Variants in STXBP3 observed in about 807,000 individuals in gnomAD.
The protein encoded by STXBP3 is syntaxin binding protein 3.
A neutral mutation model predicts 85.7 loss-of-function variants in STXBP3; 41 were observed. The observed-to-expected ratio is 0.48, with a 90% CI of 0.37 to 0.62. STXBP3 has a LOEUF of 0.62. Among genes scored for constraint, STXBP3 ranks in the 20% least tolerant of loss-of-function variants. STXBP3 has a pLI of 0.00. For synonymous variants in STXBP3, 229 were observed against 231.7 expected, an observed-to-expected ratio of 0.99 and a Z score of 0.10; for missense variants, 563 against 703.1, an observed-to-expected ratio of 0.80 and a Z score of 2.25.
intron 18 of STXBP3, among the ~76,000 whole-genome samples, chr1:108,807,942 T>C (rs17028822): frequency 0.026 from 3,901 of 152,324 alleles, 183 homozygotes; most frequent in African/African-American, 0.088. Flanking sequence ...TCTTGTGTTA[T>C]ACATTTGAGA....
At chr1:108,751,320 T>TA (rs1218758160) in intron 1 of STXBP3, among the ~76,000 whole-genome samples, 1 of 152,080 alleles carries the variant, frequency 6.6e-6, no homozygotes, top group Non-Finnish European at 1.5e-5. Flanking sequence ...GAACAGGGGG[T>TA]AAAAACCAAA....
intron 5 of STXBP3, 36 bp from the exon 6 acceptor site, chr1:108,759,949 G>GATGTAACT: frequency 3.2e-6 from 4 of 1,251,886 alleles, no homozygotes; most frequent in Non-Finnish European, 4.5e-6. Flanking sequence ...ATAAAATCTA[G>GATGTAACT]ATGTAACTAT....
rs1127635 is a variant in STXBP3, at chr1:108,796,239, G to T, written c.1116G>T (p.Leu372=). ...AATATTTTATTTTCATTAAGGACCT[G>T]GCACTTGGAACTGATGCAGAAGGAC... ...IEKLCKTEQD[L]ALGTDAEGQK... is the part of the protein sequence containing the mutation. The change falls in exon 14 of 19, where the codon CTG becomes CTT. Residue 372 remains leucine (L), a synonymous_variant. Coordinates refer to ENST00000370008, the MANE Select transcript of STXBP3 (RefSeq NM_007269.4). 4 of 1,606,144 alleles carry T rather than the reference G, an allele frequency of 2.5e-6. No individual in the cohort carries two copies. In the South Asian group the frequency reaches 3.4e-5, roughly 14 times the overall value.
chr1:108,766,343 G>A (rs574228459), intron 6 of STXBP3, among the ~76,000 whole-genome samples: 1 of 152,194 alleles, frequency 6.6e-6, no homozygotes, highest in South Asian at 2.1e-4. Context: ...ATTTCACTAT[G>A]AAATGCTTTG....
intron 17 of STXBP3, among the ~76,000 whole-genome samples, chr1:108,801,339 G>A (rs946005106): frequency 2.6e-5 from 4 of 151,896 alleles, no homozygotes; most frequent in Non-Finnish European, 5.9e-5. Flanking sequence ...CTAATTTTTG[G>A]TTGAAAATTG....
intron 17 of STXBP3, among the ~76,000 whole-genome samples, chr1:108,803,887 T>C (rs1663278534): frequency 6.6e-6 from 1 of 152,220 alleles, no homozygotes; most frequent in Admixed American, 6.5e-5. Flanking sequence ...TCAACACTTG[T>C]AGAAAATATT....
intron 4 of STXBP3, among the ~76,000 whole-genome samples, chr1:108,757,537 A>G (rs910243441): frequency 6.6e-6 from 1 of 151,970 alleles, no homozygotes; most frequent in Non-Finnish European, 1.5e-5. Flanking sequence ...AAAAAATGCA[A>G]CTTAAAAGTA....
chr1:108,771,414 A>ATC (rs1344691195), intron 6 of STXBP3, among the ~76,000 whole-genome samples: 1 of 122,662 alleles, frequency 8.2e-6, no homozygotes, highest in African/African-American at 3.1e-5. Context: ...ATCTATATAT[A>ATC]TAATATATAA....
chr1:108,800,693 A>G lies in STXBP3; in HGVS notation c.1535+388A>G, dbSNP rs118027637. 4.0e-3 allele frequency among the ~76,000 whole-genome samples: 611 copies of G among 152,282 alleles called. 9 individuals carry two copies. Among genetic ancestry groups the G allele is most frequent in the Admixed American group, 0.025 (386 of 15,298 alleles). On this transcript the variant is annotated intron_variant, in intron 17 of 18. Coordinates refer to ENST00000370008, the MANE Select transcript of STXBP3 (RefSeq NM_007269.4). ...ATAATTCAAGCTTCCTGTATATCAC[A>G]CTATGGTTTTATTATTTTCCCTTAT... is the stretch of plus-strand genomic sequence containing the variant.
chr1:108,770,598 G>A (rs1570756157), intron 6 of STXBP3, among the ~76,000 whole-genome samples: 1 of 152,106 alleles, frequency 6.6e-6, no homozygotes, highest in South Asian at 2.1e-4. Context: ...ATGAATAACT[G>A]TGTGTAAAAG....
At chr1:108,803,680 G>T (rs1663274996) in intron 17 of STXBP3, among the ~76,000 whole-genome samples, 1 of 152,026 alleles carries the variant, frequency 6.6e-6, no homozygotes, top group East Asian at 1.9e-4. Flanking sequence ...GCAGAGACAG[G>T]GTTTCACCAT....
intron 11 of STXBP3, among the ~76,000 whole-genome samples, chr1:108,787,179 G>C (rs1030887344): frequency 5.3e-5 from 8 of 152,050 alleles, no homozygotes; most frequent in African/African-American, 1.7e-4. Flanking sequence ...TCGGAACTCT[G>C]TTGGCCAGGC....
chr1:108,794,274 G>C (rs148694041), intron 12 of STXBP3, among the ~76,000 whole-genome samples: 1 of 152,098 alleles, frequency 6.6e-6, no homozygotes, highest in South Asian at 2.1e-4. Context: ...GCCTCCTGTT[G>C]TATTAGTCTG....
chr1:108,787,416 T>A (rs1427901309), intron 11 of STXBP3, among the ~76,000 whole-genome samples: 1 of 152,166 alleles, frequency 6.6e-6, no homozygotes, highest in Non-Finnish European at 1.5e-5. Context: ...CCCTTCCTTA[T>A]CCCTCTTTTC....
At position 108,779,329 on chromosome 1, in the gene STXBP3, A is replaced by C. The variant is rs1185777297; in HGVS notation, c.728A>C (p.Asp243Ala). The change falls in exon 9 of 19, where the codon GAT becomes GCT. Residue 243 changes from aspartate (D) to alanine (A), a missense_variant. Physicochemically the swap from Asp to Ala is moderately radical, Grantham distance 126 (BLOSUM62 -2). This residue lies in a region of STXBP3 where 494 missense variants were observed against 592.8 expected (regional missense o/e 0.83). Transcript: ENST00000370008. ...SQLLIIDRGF[D>A]PVSTVLHELT... ...CTCTTAATAATTGATCGTGGCTTTG[A>C]TCCTGTGTCCACTGTCCTGCATGAA... 1 of 1,613,140 alleles carries C rather than the reference A, an allele frequency of 6.2e-7. No homozygotes were observed. Among genetic ancestry groups the C allele is most frequent in the Non-Finnish European group, 8.5e-7 (1 of 1,179,502 alleles).
chr1:108,755,746 A>G (rs1388975262), intron 3 of STXBP3, among the ~76,000 whole-genome samples: 1 of 152,218 alleles, frequency 6.6e-6, no homozygotes, highest in African/African-American at 2.4e-5. Flanking sequence ...GAAATAAATG[A>G]AAACAGATTA....
chr1:108,791,027 C>G (rs976002536), intron 11 of STXBP3, among the ~76,000 whole-genome samples: 6 of 152,152 alleles, frequency 3.9e-5, no homozygotes, highest in African/African-American at 1.4e-4. Flanking sequence ...TACTGCTCTT[C>G]AGTTTTTCCA....
chr1:108,789,790 G>A (rs529096289), intron 11 of STXBP3, among the ~76,000 whole-genome samples: 1 of 152,194 alleles, frequency 6.6e-6, no homozygotes, highest in Non-Finnish European at 1.5e-5. Flanking sequence ...ATGGGGCTGG[G>A]CATGGTGGCT....
At chr1:108,786,084 C>T (rs1662818591) in intron 11 of STXBP3, among the ~76,000 whole-genome samples, 1 of 152,148 alleles carries the variant, frequency 6.6e-6, no homozygotes, top group Non-Finnish European at 1.5e-5. Context: ...ACTCCTGGTA[C>T]CAAAACTGTA....
Sources: gnomAD v4.1 joint callset for allele counts (sites outside exome capture counted in the v4.1 genomes callset) on GRCh38, gnomAD v4.1.1 for gene constraint, gnomAD v4.1.1 regional missense constraint, MANE v1.5 for transcripts, NCBI Gene and HGNC (gene_info 2026-07-23, HGNC 2026-07-21) for gene names.